Variants in HPSE2 observed in about 807,000 individuals in gnomAD.
HPSE2 encodes the protein heparanase 2 (inactive).
Under a neutral mutation model 60.5 loss-of-function variants are expected in HPSE2, and 38 were observed. The observed-to-expected ratio is 0.63, with a 90% confidence interval of 0.48 to 0.82. The LOEUF is 0.82. Ranked by LOEUF, HPSE2 falls within the 40% of genes least tolerant of loss-of-function variation. The probability of loss-of-function intolerance (pLI) is 0.00; values close to 1 mark genes in which losing one functional copy is unlikely to be tolerated. For missense variants in HPSE2, 713 were observed against 740.4 expected, an observed-to-expected ratio of 0.96 and a Z score of 0.43; for synonymous variants, 295 against 293.2, an observed-to-expected ratio of 1.01 and a Z score of -0.06.
intron 3 of HPSE2, among the ~76,000 whole-genome samples, chr10:98,766,494 T>C (rs1221709673): frequency 6.6e-6 from 1 of 152,150 alleles, no homozygotes; most frequent in African/African-American, 2.4e-5. Flanking sequence ...AAATAAAAGA[T>C]ATAAGCCAAC....
chr10:99,305,389 G>A, the HPSE2 span, among the ~76,000 whole-genome samples: 11 of 152,300 alleles, frequency 7.2e-5, no homozygotes, highest in South Asian at 2.1e-3. Context: ...GGAAACAAAA[G>A]TGGACTAGTC....
chr10:99,172,457 GC>G (rs1319673078), intron 2 of HPSE2, among the ~76,000 whole-genome samples: 1 of 151,990 alleles, frequency 6.6e-6, no homozygotes, highest in Admixed American at 6.6e-5. Context: ...CCTACAATAC[GC>G]CCTATATTGG....
chr10:99,182,517 G>T (rs1173249264), intron 2 of HPSE2, among the ~76,000 whole-genome samples: 4 of 152,090 alleles, frequency 2.6e-5, no homozygotes, highest in African/African-American at 9.7e-5. Flanking sequence ...ATGCTAAGCA[G>T]ATATTCAAAT....
chr10:99,289,073 G>A, the HPSE2 span, among the ~76,000 whole-genome samples: 216 of 152,152 alleles, frequency 1.4e-3, 1 homozygote, highest in Middle Eastern at 3.4e-3. Flanking sequence ...AACATTCTGC[G>A]TCCCTGTAAG....
intron 3 of HPSE2, among the ~76,000 whole-genome samples, chr10:98,868,006 G>A (rs1952633816): frequency 6.6e-6 from 1 of 151,796 alleles, no homozygotes; most frequent in African/African-American, 2.4e-5. Flanking sequence ...AGGTTGCAGT[G>A]AGCCGAGATC....
chr10:99,234,435 CA>C, intron 1 of HPSE2, among the ~76,000 whole-genome samples: 1 of 152,318 alleles, frequency 6.6e-6, no homozygotes, highest in African/African-American at 2.4e-5. Flanking sequence ...GGCCTCGGGG[CA>C]AAGTGGGACT....
intron 9 of HPSE2, among the ~76,000 whole-genome samples, chr10:98,511,791 T>A (rs1484092404): frequency 1.3e-5 from 2 of 152,142 alleles, no homozygotes; most frequent in African/African-American, 4.8e-5. Context: ...AACTGCAAGG[T>A]TCAAAGGTCA....
intron 3 of HPSE2, among the ~76,000 whole-genome samples, chr10:98,959,952 C>T (rs1955608537): frequency 6.6e-6 from 1 of 152,066 alleles, no homozygotes; most frequent in South Asian, 2.1e-4. Flanking sequence ...TTTTTTCCCC[C>T]CACAGGAATA....
chr10:99,155,576 C>T (rs1319317579), intron 2 of HPSE2, among the ~76,000 whole-genome samples: 1 of 137,582 alleles, frequency 7.3e-6, no homozygotes, highest in Non-Finnish European at 1.6e-5. Flanking sequence ...ACACAACATA[C>T]CAGAATCTCT....
chr10:98,704,559 A>G (rs1948496657), intron 5 of HPSE2, among the ~76,000 whole-genome samples: 1 of 152,216 alleles, frequency 6.6e-6, no homozygotes, highest in Non-Finnish European at 1.5e-5. Context: ...GTCCCAAAAC[A>G]GACATAAAGA....
At chr10:98,644,902 G>A (rs561488706) in intron 6 of HPSE2, among the ~76,000 whole-genome samples, 9 of 152,118 alleles carry the variant, frequency 5.9e-5, no homozygotes, top group Admixed American at 2.6e-4. Context: ...GGCTATTTCC[G>A]TGGGCTGTGA....
At chr10:98,898,538 A>G (rs1953564799) in intron 3 of HPSE2, among the ~76,000 whole-genome samples, 1 of 152,192 alleles carries the variant, frequency 6.6e-6, no homozygotes, top group South Asian at 2.1e-4. Flanking sequence ...ATATCAAGAT[A>G]GTAAAAAGAT....
At chr10:98,983,189 T>C (rs549671727) in intron 3 of HPSE2, among the ~76,000 whole-genome samples, 2 of 152,334 alleles carry the variant, frequency 1.3e-5, no homozygotes, top group Admixed American at 1.3e-4. Flanking sequence ...GTGCACTTTA[T>C]TTCTATTATT....
intron 6 of HPSE2, among the ~76,000 whole-genome samples, chr10:98,676,977 C>T (rs1433592785): frequency 1.3e-5 from 2 of 150,392 alleles, no homozygotes; most frequent in African/African-American, 4.9e-5. Context: ...CTCCCTTTCC[C>T]TTTTAAATCA....
intron 10 of HPSE2, among the ~76,000 whole-genome samples, chr10:98,485,063 T>C (rs1329577117): frequency 2.0e-5 from 3 of 152,208 alleles, no homozygotes; most frequent in African/African-American, 7.2e-5. Flanking sequence ...CACCTCTGCT[T>C]CTAAAGGTGC....
At chr10:98,621,433 C>T (rs570817684) in intron 7 of HPSE2, among the ~76,000 whole-genome samples, 9 of 152,222 alleles carry the variant, frequency 5.9e-5, no homozygotes, top group East Asian at 1.9e-4. Flanking sequence ...GGGCTGCAAT[C>T]GGCACTTAGG....
chr10:99,214,708 AAT>A (rs1849062033), intron 2 of HPSE2, among the ~76,000 whole-genome samples: 1 of 152,144 alleles, frequency 6.6e-6, no homozygotes, highest in African/African-American at 2.4e-5. Context: ...GCAAAGGTCT[AAT>A]ATCCAGAATC....
At chr10:98,762,812 A>C (rs1462535231) in intron 3 of HPSE2, among the ~76,000 whole-genome samples, 1 of 152,172 alleles carries the variant, frequency 6.6e-6, no homozygotes, top group East Asian at 1.9e-4. Context: ...AAAACAAAAC[A>C]AAAAGAAAAT....
At chr10:98,696,491 G>A (rs1948221785) in intron 5 of HPSE2, among the ~76,000 whole-genome samples, 1 of 152,168 alleles carries the variant, frequency 6.6e-6, no homozygotes, top group Non-Finnish European at 1.5e-5. Flanking sequence ...AGGAAAGGCA[G>A]TCAGTGAGTG....
Sources: gnomAD v4.1 joint callset for allele counts (sites outside exome capture counted in the v4.1 genomes callset) on GRCh38, gnomAD v4.1.1 for gene constraint, MANE v1.5 for transcripts, NCBI Gene and HGNC (gene_info 2026-07-23, HGNC 2026-07-21) for gene names.